CPNE4: variants seen among roughly 807,000 people sequenced by gnomAD.
CPNE4 encodes the protein copine 4.
In CPNE4, 25 loss-of-function variants were observed where a neutral mutation model predicts 67.9. The ratio of observed to expected loss-of-function variants is 0.37; its 90% CI spans 0.27 to 0.51. The LOEUF (loss-of-function observed/expected upper bound fraction) is 0.51, where lower values mean the gene tolerates loss of function less well. Among genes scored for constraint, CPNE4 ranks in the 20% least tolerant of loss-of-function variants. The probability of loss-of-function intolerance (pLI) is 0.93; values close to 1 mark genes in which losing one functional copy is unlikely to be tolerated. For synonymous variants in CPNE4, 242 were observed against 244.9 expected (o/e 0.99, Z 0.11); for missense variants, 464 against 690.8 (o/e 0.67, Z 3.68).
At chr3:132,034,089 T>C (rs549131901) in intron 1 of CPNE4, among the ~76,000 whole-genome samples, 1 of 152,018 alleles carries the variant, frequency 6.6e-6, no homozygotes, top group East Asian at 1.9e-4. Flanking sequence ...GGGGAGGAGG[T>C]TGAGAGGCTG....
intron 1 of CPNE4, among the ~76,000 whole-genome samples, chr3:131,996,152 G>A (rs559396223): frequency 7.9e-5 from 12 of 152,284 alleles, no homozygotes; most frequent in African/African-American, 2.9e-4. Context: ...ACGATAAAAT[G>A]CTGTCTGTGT....
intron 2 of CPNE4, among the ~76,000 whole-genome samples, chr3:131,808,365 T>C (rs981116629): frequency 1.3e-5 from 2 of 152,060 alleles, no homozygotes; most frequent in Non-Finnish European, 2.9e-5. Context: ...GTGGGCAACA[T>C]GCATAAAAGA....
At chr3:131,875,891 A>G (rs1348454200) in intron 2 of CPNE4, among the ~76,000 whole-genome samples, 1 of 152,190 alleles carries the variant, frequency 6.6e-6, no homozygotes, top group African/African-American at 2.4e-5. Flanking sequence ...TAAGAAACCA[A>G]TTTGCCATTT....
chr3:131,843,226 G>C (rs2085864037), intron 2 of CPNE4, among the ~76,000 whole-genome samples: 1 of 152,196 alleles, frequency 6.6e-6, no homozygotes, highest in South Asian at 2.1e-4. Flanking sequence ...ACTTCTGGAA[G>C]GCAGTGGGGA....
intron 3 of CPNE4, among the ~76,000 whole-genome samples, chr3:131,702,713 G>A (rs2081331641): frequency 6.6e-6 from 1 of 152,130 alleles, no homozygotes; most frequent in South Asian, 2.1e-4. Flanking sequence ...CTTTATTCAA[G>A]GAAGAGTAAA....
intron 1 of CPNE4, among the ~76,000 whole-genome samples, chr3:131,988,852 AT>A (rs1190901688): frequency 1.3e-5 from 2 of 152,236 alleles, no homozygotes; most frequent in Non-Finnish European, 2.9e-5. Flanking sequence ...GAAGAGCTAG[AT>A]TCACATAAAC....
At chr3:131,689,436 A>G (rs9826790) in intron 5 of CPNE4, among the ~76,000 whole-genome samples, 52,908 of 151,976 alleles carry the variant, frequency 0.35, 9,720 homozygotes, top group African/African-American at 0.45. Context: ...TTCAACGTAC[A>G]CATATCAAAA....
chr3:131,996,302 G>A (rs2073291782), intron 1 of CPNE4, among the ~76,000 whole-genome samples: 1 of 152,022 alleles, frequency 6.6e-6, no homozygotes, highest in East Asian at 1.9e-4. Context: ...GAGAGTAGGA[G>A]GAGAAAGAAG....
intron 9 of CPNE4, among the ~76,000 whole-genome samples, chr3:131,579,632 G>A (rs76147760): frequency 0.036 from 5,495 of 152,278 alleles, 294 homozygotes; most frequent in African/African-American, 0.12. Flanking sequence ...ACTAATAGGA[G>A]TTTGGAAGAA....
intron 2 of CPNE4, among the ~76,000 whole-genome samples, chr3:131,757,340 T>C: frequency 6.6e-6 from 1 of 152,184 alleles, no homozygotes; most frequent in East Asian, 1.9e-4. Flanking sequence ...GAGGAACTTG[T>C]TGGGAACTGG....
chr3:132,034,793 G>A lies in CPNE4; in HGVS notation c.-228C>T, dbSNP rs1260863522. The A allele has an allele frequency of 5.1e-6, 5 of 985,252 alleles. No homozygotes were observed. The highest frequency in any genetic ancestry group is 6.0e-6 in the Non-Finnish European group (5 of 830,076). The allele number at this position is 985,252 out of a possible 1,614,324, so 61.0% of individuals were successfully genotyped here. A position where few individuals can be genotyped will look rare whatever the true frequency, so the allele number is the denominator to read the frequency against. On this transcript the variant is annotated 5_prime_UTR_variant, in exon 1 of 16. Coordinates refer to ENST00000429747, the MANE Select transcript of CPNE4 (RefSeq NM_130808.3). ...AGAGTTCGGTCTCTCCGGAAACCCT[G>A]ACTCCATTCTCGGTGATGGGGGTGG...
At chr3:131,888,660 G>A (rs1315491718) in intron 2 of CPNE4, among the ~76,000 whole-genome samples, 2 of 152,154 alleles carry the variant, frequency 1.3e-5, no homozygotes, top group Non-Finnish European at 2.9e-5. Context: ...GGGAAGGGAA[G>A]GTTATCAGTA....
chr3:131,535,400 A>G, intron 15 of CPNE4, 71 bp from the exon 16 acceptor site: 1 of 1,497,358 alleles, frequency 6.7e-7, no homozygotes, highest in South Asian at 1.3e-5. Context: ...AAAAGATTTG[A>G]GTCCTGCTCT....
intron 1 of CPNE4, among the ~76,000 whole-genome samples, chr3:131,924,607 T>A (rs930434762): frequency 3.3e-5 from 5 of 152,192 alleles, no homozygotes; most frequent in African/African-American, 9.6e-5. Context: ...TGAATGTTGA[T>A]ATTTTTAAAA....
chr3:131,634,435 A>T (rs1306353012), intron 7 of CPNE4, among the ~76,000 whole-genome samples: 1 of 152,154 alleles, frequency 6.6e-6, no homozygotes, highest in African/African-American at 2.4e-5. Flanking sequence ...AAGTAATCAA[A>T]CTCATTTATC....
chr3:131,948,474 A>G (rs1649933192), intron 1 of CPNE4, among the ~76,000 whole-genome samples: 1 of 152,212 alleles, frequency 6.6e-6, no homozygotes, highest in South Asian at 2.1e-4. Flanking sequence ...TAAACTACCC[A>G]GTCTCAGGTA....
rs113545125 is a variant in CPNE4 at position 131,585,713 on chromosome 3, C to A, written c.780+1771G>T. Among the ~76,000 whole-genome samples, 1,167 of 152,266 alleles carry A rather than the reference C, an allele frequency of 7.7e-3. 6 individuals carry two copies. The highest frequency in any genetic ancestry group is 0.02 in the Middle Eastern group (6 of 294). ...AGAACTCTAGCAGGTGGTATGAATG[C>A]TATCATTGATTTAGCAGCTAAATAG... On this transcript the variant is annotated intron_variant, in intron 8 of 15. Coordinates refer to ENST00000429747, the MANE Select transcript of CPNE4 (RefSeq NM_130808.3).
intron 7 of CPNE4, among the ~76,000 whole-genome samples, chr3:131,627,193 CAAAAA>C (rs57977015): frequency 0.081 from 5,521 of 68,362 alleles, 351 homozygotes; most frequent in African/African-American, 0.21. Flanking sequence ...GACTCCATCT[CAAAAA>C]AAAAAAAAAA....
In CPNE4 at chr3:131,535,175, T is replaced by C. The variant is rs754800672; in HGVS notation, c.*20A>G. The C allele has an allele frequency of 1.9e-6, 3 of 1,592,828 alleles. No individual in the cohort carries two copies. Among genetic ancestry groups the C allele is most frequent in the Admixed American group, 1.8e-5 (1 of 55,636 alleles). ...TAGCAGGAATAGTATTTCAGAACTC[T>C]GTAAAACTGTGTGGGGAGTTCATGG... On this transcript the variant is annotated 3_prime_UTR_variant, in exon 16 of 16. Transcript: ENST00000429747.
Sources: allele counts gnomAD v4.1 joint callset (sites outside exome capture counted in the v4.1 genomes callset), GRCh38; gene constraint gnomAD v4.1.1; transcripts MANE v1.5; gene names NCBI Gene and HGNC (gene_info 2026-07-23, HGNC 2026-07-21).